CRB1: variants seen among roughly 807,000 people sequenced by gnomAD.
CRB1 encodes crumbs cell polarity complex component 1.
CRB1 carries 83 observed loss-of-function variants against 120.0 expected under a neutral mutation model. The ratio of observed to expected loss-of-function variants is 0.69; its 90% CI spans 0.58 to 0.83. The LOEUF is 0.83. Ranked by LOEUF, CRB1 falls within the 40% of genes least tolerant of loss-of-function variation. The probability of loss-of-function intolerance (pLI) is 0.00; values close to 1 mark genes in which losing one functional copy is unlikely to be tolerated. For missense variants in CRB1, 1,699 were observed against 1,687.6 expected (o/e 1.01, Z -0.12); for synonymous variants, 625 against 612.5 (o/e 1.02, Z -0.30).
intron 1 of CRB1, among the ~76,000 whole-genome samples, chr1:197,271,066 G>T (rs1038476185): frequency 1.3e-5 from 2 of 152,006 alleles, no homozygotes; most frequent in African/African-American, 2.4e-5. Context: ...GGGCATCGTG[G>T]TATGTGCCTG....
At chr1:197,431,163 T>C (rs912444726) in intron 8 of CRB1, among the ~76,000 whole-genome samples, 1 of 152,166 alleles carries the variant, frequency 6.6e-6, no homozygotes, top group African/African-American at 2.4e-5. Context: ...AGCAATGACA[T>C]ACTATCTAGA....
the CRB1 span, among the ~76,000 whole-genome samples, chr1:197,256,127 A>G: frequency 6.6e-6 from 1 of 151,108 alleles, no homozygotes; most frequent in Non-Finnish European, 1.5e-5. Context: ...AATGACCTCC[A>G]TGTCACCAAA....
chr1:197,355,735 G>A (rs773212577), intron 4 of CRB1, among the ~76,000 whole-genome samples: 3 of 152,022 alleles, frequency 2.0e-5, no homozygotes, highest in Non-Finnish European at 2.9e-5. Flanking sequence ...ACGCAGCCCC[G>A]CAAGCGCCCG....
the CRB1 span, among the ~76,000 whole-genome samples, chr1:197,241,808 A>T: frequency 6.6e-6 from 1 of 151,294 alleles, no homozygotes; most frequent in South Asian, 2.1e-4. Flanking sequence ...CACAGTATTG[A>T]TTCTTCCCAT....
chr1:197,274,229 C>T (rs151268021), intron 1 of CRB1, among the ~76,000 whole-genome samples: 4 of 152,106 alleles, frequency 2.6e-5, no homozygotes, highest in Non-Finnish European at 2.9e-5. Context: ...ACATATATAG[C>T]GGTATTGGAC....
intron 4 of CRB1, among the ~76,000 whole-genome samples, chr1:197,350,566 A>G (rs1325492471): frequency 6.6e-6 from 1 of 152,224 alleles, no homozygotes; most frequent in Non-Finnish European, 1.5e-5. Context: ...GGCTAATACA[A>G]TAGGGATCTG....
chr1:197,373,422 T>C (rs1420458327), intron 5 of CRB1, among the ~76,000 whole-genome samples: 3 of 152,156 alleles, frequency 2.0e-5, no homozygotes, highest in Admixed American at 6.6e-5. Flanking sequence ...TCAAAGTGTG[T>C]ACAAATCAGG....
At chr1:197,239,373 A>G in the CRB1 span, among the ~76,000 whole-genome samples, 1 of 152,054 alleles carries the variant, frequency 6.6e-6, no homozygotes, top group Non-Finnish European at 1.5e-5. Context: ...AGTTCTATCA[A>G]TTTTTGCTTC....
chr1:197,379,960 G>T (rs1267694288), intron 5 of CRB1, among the ~76,000 whole-genome samples: 2 of 152,118 alleles, frequency 1.3e-5, no homozygotes, highest in African/African-American at 4.8e-5. Context: ...TCATCTTTGT[G>T]CACTTTTTCA....
At chr1:197,293,915 A>G (rs1425229124) in intron 1 of CRB1, among the ~76,000 whole-genome samples, 1 of 152,210 alleles carries the variant, frequency 6.6e-6, no homozygotes, top group Non-Finnish European at 1.5e-5. Flanking sequence ...AATTAATTCA[A>G]GATGGATTAA....
the CRB1 span, among the ~76,000 whole-genome samples, chr1:197,259,788 A>AGGAAAT: frequency 2.0e-5 from 3 of 152,184 alleles, no homozygotes; most frequent in African/African-American, 7.2e-5. Flanking sequence ...TGTTGTTGAA[A>AGGAAAT]GGAAATAGAC....
Position 197,394,461 on chromosome 1 carries a change from G to A in CRB1, c.1172-26539G>A, listed in dbSNP as rs111988252. On this transcript the variant is annotated intron_variant, in intron 5 of 11. Transcript: ENST00000367400. Reference sequence around the variant, plus strand: ...GTGGATTTTCTACTCTTCAGGGGTCGGCATCCCAGCCCCCATGATGTTCAA... The same window carrying A: ...GTGGATTTTCTACTCTTCAGGGGTCAGCATCCCAGCCCCCATGATGTTCAA... 1.2e-3 allele frequency among the ~76,000 whole-genome samples: 184 copies of A among 151,822 alleles called. 2 individuals carry two copies. The highest frequency in any genetic ancestry group is 4.1e-3 in the African/African-American group (170 of 41,400).
At chr1:197,442,386 G>T (rs781505242) in intron 11 of CRB1, 94 bp downstream of exon 11, 1 of 1,607,580 alleles carries the variant, frequency 6.2e-7, no homozygotes, top group South Asian at 1.1e-5. Context: ...TGACGAGCCA[G>T]TTGTTGAGTG....
chr1:197,424,037 T>C (rs1164348354), intron 6 of CRB1, among the ~76,000 whole-genome samples: 1 of 152,194 alleles, frequency 6.6e-6, no homozygotes, highest in Non-Finnish European at 1.5e-5. Context: ...TGGTGAACAT[T>C]TGACTTACAA....
chr1:197,225,739 C>T, the CRB1 span, among the ~76,000 whole-genome samples: 1 of 152,198 alleles, frequency 6.6e-6, no homozygotes, highest in Non-Finnish European at 1.5e-5. Flanking sequence ...AACAGAATGA[C>T]AGCCAGACAA....
At chr1:197,414,840 A>C (rs551508093) in intron 5 of CRB1, among the ~76,000 whole-genome samples, 1 of 152,194 alleles carries the variant, frequency 6.6e-6, no homozygotes, top group Non-Finnish European at 1.5e-5. Flanking sequence ...GGGTTCATCA[A>C]ATAAATATGT....
At chr1:197,332,886 A>G (rs756774745) in intron 2 of CRB1, among the ~76,000 whole-genome samples, 4 of 152,220 alleles carry the variant, frequency 2.6e-5, no homozygotes, top group Non-Finnish European at 5.9e-5. Flanking sequence ...CAGGCCAACT[A>G]ACGAGAACCC....
the CRB1 span, among the ~76,000 whole-genome samples, chr1:197,261,574 T>C: frequency 6.6e-6 from 1 of 152,184 alleles, no homozygotes; most frequent in Non-Finnish European, 1.5e-5. Context: ...CATCTATCAA[T>C]CATTTATGTA....
the CRB1 span, among the ~76,000 whole-genome samples, chr1:197,227,393 CTTTTTT>C: frequency 7.2e-6 from 1 of 138,128 alleles, no homozygotes; most frequent in African/African-American, 2.6e-5. Context: ...TTTTCTTTTT[CTTTTTT>C]TTTTTTTTTT....
Sources: gnomAD v4.1 joint callset for allele counts (sites outside exome capture counted in the v4.1 genomes callset) on GRCh38, gnomAD v4.1.1 for gene constraint, MANE v1.5 for transcripts, NCBI Gene and HGNC (gene_info 2026-07-23, HGNC 2026-07-21) for gene names.